Variants in BNC2 observed in about 807,000 individuals in gnomAD.
BNC2 encodes basonuclin zinc finger protein 2.
BNC2 carries 20 observed loss-of-function variants against 76.3 expected under a neutral mutation model. The ratio of observed to expected loss-of-function variants is 0.26; its 90% CI spans 0.18 to 0.38. The LOEUF is 0.38. Ranked by LOEUF, BNC2 falls within the 10% of genes least tolerant of loss-of-function variation. BNC2 has a pLI of 1.00. For missense variants in BNC2, 1,382 were observed against 1,399.8 expected (o/e 0.99, Z 0.20); for synonymous variants, 582 against 514.8 (o/e 1.13, Z -1.77).
At chr9:16,512,478 A>ACACGCG (rs1217858277) in intron 5 of BNC2, among the ~76,000 whole-genome samples, 1 of 143,778 alleles carries the variant, frequency 7.0e-6, no homozygotes, top group East Asian at 2.2e-4. Context: ...TAAAGGTAAC[A>ACACGCG]CACGCGCACA....
intron 2 of BNC2, among the ~76,000 whole-genome samples, chr9:16,734,203 C>T (rs564206625): frequency 6.8e-4 from 104 of 152,264 alleles, no homozygotes; most frequent in African/African-American, 2.5e-3. Flanking sequence ...GCATGCACGC[C>T]AACTACTGGA....
chr9:16,858,822 G>A (rs1819326356), intron 1 of BNC2, among the ~76,000 whole-genome samples: 1 of 151,742 alleles, frequency 6.6e-6, no homozygotes, highest in East Asian at 1.9e-4. Flanking sequence ...CTCCAGCCTG[G>A]GCGAAAGAGG....
chr9:16,683,380 A>G (rs1227197217), intron 3 of BNC2, among the ~76,000 whole-genome samples: 1 of 152,220 alleles, frequency 6.6e-6, no homozygotes, highest in Non-Finnish European at 1.5e-5. Context: ...CCTTTCTAAG[A>G]AAGAATATAA....
intron 5 of BNC2, among the ~76,000 whole-genome samples, chr9:16,510,122 A>C (rs1415402573): frequency 6.6e-6 from 1 of 152,154 alleles, no homozygotes; most frequent in Admixed American, 6.5e-5. Flanking sequence ...GGTCAGGGAG[A>C]CCTCTGTTAA....
At chr9:16,664,028 T>C (rs1390022198) in intron 3 of BNC2, among the ~76,000 whole-genome samples, 1 of 152,198 alleles carries the variant, frequency 6.6e-6, no homozygotes, top group Non-Finnish European at 1.5e-5. Context: ...AGATTAGTTA[T>C]GAAAACTTAA....
intron 5 of BNC2, among the ~76,000 whole-genome samples, chr9:16,441,959 A>T (rs992416371): frequency 4.6e-5 from 7 of 152,198 alleles, no homozygotes; most frequent in Non-Finnish European, 2.9e-5. Flanking sequence ...CGACCAACTC[A>T]TGCTGGGCCA....
intron 1 of BNC2, among the ~76,000 whole-genome samples, chr9:16,759,694 T>C (rs1205937446): frequency 6.6e-5 from 10 of 151,708 alleles, no homozygotes; most frequent in Admixed American, 2.0e-4. Context: ...ATAAATATCA[T>C]AGAATACCTC....
chr9:16,772,139 ATACAAAG>A (rs1482126035), intron 1 of BNC2, among the ~76,000 whole-genome samples: 1 of 152,182 alleles, frequency 6.6e-6, no homozygotes, highest in African/African-American at 2.4e-5. Flanking sequence ...GAAAGACACA[ATACAAAG>A]TACAATGTAT....
rs1821214308 is a variant in BNC2 at position 16,445,508 on chromosome 9, T to C, written c.670-7984A>G. Among the ~76,000 whole-genome samples, 9 of 152,078 alleles carry C rather than the reference T, an allele frequency of 5.9e-5. No individual in the cohort carries two copies. The South Asian group carries it at 1.9e-3, about 32-fold the overall frequency. ...AAATTAGAACTTTTTTTTTTTTAAA[T>C]CAACATTTGTTTTGGGTAACGAAAG... On this transcript the variant is annotated intron_variant, in intron 5 of 6. Coordinates refer to ENST00000380672, the MANE Select transcript of BNC2 (RefSeq NM_017637.6).
chr9:16,489,652 C>T (rs1822232760), intron 5 of BNC2, among the ~76,000 whole-genome samples: 1 of 152,192 alleles, frequency 6.6e-6, no homozygotes, highest in South Asian at 2.1e-4. Context: ...CAAAGCCTCT[C>T]AGTTGATATT....
intron 3 of BNC2, among the ~76,000 whole-genome samples, chr9:16,608,194 A>C (rs186536119): frequency 6.6e-6 from 1 of 152,256 alleles, no homozygotes; most frequent in Non-Finnish European, 1.5e-5. Flanking sequence ...CCTATTTTTA[A>C]GTTATTTATT....
At chr9:16,751,245 T>A (rs1214988614) in intron 1 of BNC2, among the ~76,000 whole-genome samples, 1 of 146,416 alleles carries the variant, frequency 6.8e-6, no homozygotes, top group African/African-American at 2.4e-5. Flanking sequence ...AATATTCTCT[T>A]AAATTGCATT....
chr9:16,859,212 T>C (rs1819336290), intron 1 of BNC2, among the ~76,000 whole-genome samples: 1 of 151,102 alleles, frequency 6.6e-6, no homozygotes, highest in South Asian at 2.1e-4. Flanking sequence ...TAATAAGCTG[T>C]GAGGTTGTAG....
chr9:16,838,648 A>G (rs190402711), intron 1 of BNC2, among the ~76,000 whole-genome samples: 37 of 152,318 alleles, frequency 2.4e-4, no homozygotes, highest in Non-Finnish European at 1.5e-5. Context: ...ATCACATCAC[A>G]CTACCACATA....
At chr9:16,838,381 C>A (rs979944660) in intron 1 of BNC2, among the ~76,000 whole-genome samples, 1 of 152,056 alleles carries the variant, frequency 6.6e-6, no homozygotes, top group Non-Finnish European at 1.5e-5. Context: ...ATGGAGAAAC[C>A]CCATCTCTAC....
At chr9:16,696,843 G>C (rs564099581) in intron 3 of BNC2, among the ~76,000 whole-genome samples, 1 of 152,052 alleles carries the variant, frequency 6.6e-6, no homozygotes, top group Non-Finnish European at 1.5e-5. Context: ...GATGCAAAAA[G>C]GTTATTATTT....
At chr9:16,717,940 T>A (rs1043564862) in intron 3 of BNC2, among the ~76,000 whole-genome samples, 5 of 152,196 alleles carry the variant, frequency 3.3e-5, no homozygotes, top group Admixed American at 3.3e-4. Flanking sequence ...TTTACACAAG[T>A]TAAAACAACC....
At chr9:16,492,538 CA>C (rs1300222407) in intron 5 of BNC2, among the ~76,000 whole-genome samples, 1 of 152,088 alleles carries the variant, frequency 6.6e-6, no homozygotes, top group East Asian at 1.9e-4. Context: ...TTCTTTAAAG[CA>C]ACAAAAGCCT....
chr9:16,798,887 C>A (rs1004207355), intron 1 of BNC2, among the ~76,000 whole-genome samples: 6 of 152,100 alleles, frequency 3.9e-5, no homozygotes, highest in Non-Finnish European at 8.8e-5. Flanking sequence ...GCCACTTAAG[C>A]TGTAAACACA....
Sources: allele counts gnomAD v4.1 joint callset (sites outside exome capture counted in the v4.1 genomes callset), GRCh38; gene constraint gnomAD v4.1.1; transcripts MANE v1.5; gene names NCBI Gene and HGNC (gene_info 2026-07-23, HGNC 2026-07-21).